The following RTF2 variants were observed in gnomAD, a reference collection of about 807,000 sequenced individuals.
RTF2 encodes UPF0549 protein C20orf43.
Under a neutral mutation model 38.0 loss-of-function variants are expected in RTF2, and 18 were observed. The observed-to-expected ratio is 0.47, with a 90% CI of 0.33 to 0.70. RTF2 has a LOEUF of 0.70. RTF2 is among the 30% of genes least tolerant of loss of function. The pLI is 0.02. For missense variants in RTF2, 311 were observed against 379.6 expected (o/e 0.82, Z 1.50); for synonymous variants, 126 against 137.1 (o/e 0.92, Z 0.57).
At chr20:56,494,866 TA>T (rs1176684897) in intron 5 of RTF2, among the ~76,000 whole-genome samples, 1 of 152,230 alleles carries the variant, frequency 6.6e-6, no homozygotes, top group Admixed American at 6.5e-5. Context: ...AAATCACTGT[TA>T]AAATCAGTTA....
intron 8 of RTF2, 65 bp from the exon 9 acceptor site, chr20:56,518,022 G>A: frequency 6.7e-7 from 1 of 1,482,324 alleles, no homozygotes; most frequent in Non-Finnish European, 9.2e-7. Context: ...CTTCCCTTCT[G>A]AGGATGCGAA....
At chr20:56,491,495 T>C in intron 5 of RTF2, 1 of 1,032,256 alleles carries the variant, frequency 9.7e-7, no homozygotes, top group Non-Finnish European at 1.5e-6. Context: ...CTTCTTTGGT[T>C]CAATGTTCTC....
intron 5 of RTF2, chr20:56,496,812 TTGAATC>T: frequency 6.4e-7 from 1 of 1,552,072 alleles, no homozygotes; most frequent in East Asian, 2.4e-5. Context: ...TGGTTTGTCT[TTGAATC>T]TGTTATTTGG....
rs1376731729 is a variant in RTF2 at position 56,468,726 on chromosome 20, A to G, written c.29A>G (p.Lys10Arg). The G allele has an allele frequency of 1.9e-6, 3 of 1,590,348 alleles. No homozygotes were observed. The highest frequency in any genetic ancestry group is 2.6e-6 in the Non-Finnish European group (3 of 1,168,564). The change falls in exon 1 of 9, where the codon AAG becomes AGG. Residue 10 changes from lysine (K) to arginine (R), a missense_variant. By Grantham distance (26) the Lys-to-Arg change is conservative (BLOSUM62 2). Transcript: ENST00000357348. ...GGTTGCGACGGGGGAACAATCCCCA[A>G]GAGGCATGAACTGGTGAAGGGGCCG... MGCDGGTIP[K>R]RHELVKGPKK...
rs762059267 is a variant in RTF2 at position 56,472,307 on chromosome 20, G to A, written c.70-994G>A. 2.9e-6 allele frequency: 4 copies of A among 1,356,886 alleles called. No homozygotes were observed. In the South Asian group the frequency reaches 3.8e-5, roughly 13 times the overall value. 84.1% of individuals were successfully genotyped at this position (1,356,886 alleles called of 1,614,324 possible). On this transcript the variant is annotated intron_variant, in intron 1 of 8. Coordinates refer to ENST00000357348, the MANE Select transcript of RTF2 (RefSeq NM_016407.5). Reference sequence around the variant, plus strand: ...CTTCCTATTTTCTTCCAAATGTGCTGTCCTGTTAAATTATTCAGATTTGGC... The same window carrying A: ...CTTCCTATTTTCTTCCAAATGTGCTATCCTGTTAAATTATTCAGATTTGGC...
intron 5 of RTF2, chr20:56,504,427 A>G (rs1024627090): frequency 1.3e-5 from 2 of 152,242 alleles, no homozygotes; most frequent in African/African-American, 4.8e-5. Context: ...TAAATACAGG[A>G]GGCATGATTT....
chr20:56,515,599 GACACACACACACACACACACAC>G (rs1196876364), intron 6 of RTF2: 2 of 49,088 alleles, frequency 4.1e-5, no homozygotes, highest in African/African-American at 1.5e-4. Context: ...GAGAGAGAGA[GACACACACACACACACACACAC>G]ACACACACAC....
chr20:56,516,285 C>T (rs1049108423), intron 6 of RTF2: 2 of 152,120 alleles, frequency 1.3e-5, no homozygotes, highest in Admixed American at 6.5e-5. Flanking sequence ...GTCATTTCTG[C>T]GATTAAATCA....
intron 6 of RTF2, chr20:56,516,672 A>G (rs41307213): frequency 1.9e-6 from 1 of 521,450 alleles, no homozygotes; most frequent in Non-Finnish European, 3.4e-6. Flanking sequence ...TGCAAATGTG[A>G]TTTGGGAGAT....
chr20:56,492,991 C>A (rs1333283853), intron 5 of RTF2, among the ~76,000 whole-genome samples: 1 of 152,078 alleles, frequency 6.6e-6, no homozygotes, highest in Non-Finnish European at 1.5e-5. Context: ...TCCTGGCCAA[C>A]ATGGTGACAC....
chr20:56,518,062 C>T, intron 8 of RTF2, 25 bp from the exon 9 acceptor site: 1 of 1,593,004 alleles, frequency 6.3e-7, no homozygotes, highest in Non-Finnish European at 8.5e-7. Flanking sequence ...CCAACCCTGA[C>T]AGTTTTGGCT....
At chr20:56,501,673 G>A (rs969095607) in intron 5 of RTF2, among the ~76,000 whole-genome samples, 1 of 152,030 alleles carries the variant, frequency 6.6e-6, no homozygotes, top group Non-Finnish European at 1.5e-5. Context: ...GCGATGTAGT[G>A]AGACCCCTTC....
At chr20:56,473,561 GT>G (rs978104687) in intron 2 of RTF2, among the ~76,000 whole-genome samples, 166 bp downstream of exon 2, 18 of 152,310 alleles carry the variant, frequency 1.2e-4, no homozygotes, top group African/African-American at 3.6e-4. Context: ...CTTCTAGTCA[GT>G]TTGGTTTATT....
At position 56,474,534 on chromosome 20, in the gene RTF2, C is replaced by G. The variant is rs1982138397; in HGVS notation, c.165-144C>G. 1.2e-5 allele frequency: 6 copies of G among 517,984 alleles called. No homozygotes were observed. The South Asian group carries it at 1.2e-4, about 10-fold the overall frequency. 32.1% of individuals were successfully genotyped at this position (517,984 alleles called of 1,614,324 possible). On this transcript the variant is annotated intron_variant, in intron 2 of 8. Coordinates refer to ENST00000357348, the MANE Select transcript of RTF2 (RefSeq NM_016407.5). ...TTGTATGCTCTGGAAATAGTTGAAACAGGGTTAAATTTACTTTTTAATAAT... is the reference window on the plus strand; with the variant it reads ...TTGTATGCTCTGGAAATAGTTGAAAGAGGGTTAAATTTACTTTTTAATAAT...
intron 5 of RTF2, among the ~76,000 whole-genome samples, chr20:56,507,202 T>TC (rs1984335829): frequency 6.6e-6 from 1 of 152,178 alleles, no homozygotes; most frequent in South Asian, 2.1e-4. Context: ...GGGGAGCAGG[T>TC]CCCTGTGGAC....
intron 5 of RTF2, among the ~76,000 whole-genome samples, chr20:56,494,625 T>A (rs1983389534): frequency 6.6e-6 from 1 of 152,220 alleles, no homozygotes; most frequent in South Asian, 2.1e-4. Flanking sequence ...ACCCCTTCAC[T>A]AGAAAATTGT....
chr20:56,474,797 G>C, intron 3 of RTF2, 26 bp downstream of exon 3: 1 of 1,432,052 alleles, frequency 7.0e-7, no homozygotes. Context: ...CTGAAGTGCT[G>C]TGAGGGTCTG....
intron 5 of RTF2, chr20:56,497,038 G>A (rs574162553): frequency 6.4e-7 from 1 of 1,551,660 alleles, no homozygotes; most frequent in East Asian, 2.4e-5. Flanking sequence ...GAATGCACTA[G>A]AACTTTCATA....
intron 4 of RTF2, among the ~76,000 whole-genome samples, chr20:56,479,758 A>G (rs1261446614): frequency 6.6e-6 from 1 of 151,982 alleles, no homozygotes; most frequent in African/African-American, 2.4e-5. Context: ...GTACATCTCC[A>G]TCAGAGCTCT....
Sources: gnomAD v4.1 joint callset for allele counts (sites outside exome capture counted in the v4.1 genomes callset) on GRCh38, gnomAD v4.1.1 for gene constraint, MANE v1.5 for transcripts, NCBI Gene and HGNC (gene_info 2026-07-23, HGNC 2026-07-21) for gene names.